Variants in WNT11 observed in about 807,000 individuals in gnomAD.
WNT11 encodes Wnt family member 11.
In WNT11, 20 loss-of-function variants were observed where a neutral mutation model predicts 35.6. The observed-to-expected ratio is 0.56, with a 90% confidence interval of 0.40 to 0.82. The LOEUF is 0.82. Ranked by LOEUF, WNT11 falls within the 40% of genes least tolerant of loss-of-function variation. The probability of loss-of-function intolerance (pLI) is 0.00; values close to 1 mark genes in which losing one functional copy is unlikely to be tolerated. For missense variants in WNT11, 459 were observed against 504.4 expected, an observed-to-expected ratio of 0.91 and a Z score of 0.86; for synonymous variants, 200 against 211.9, an observed-to-expected ratio of 0.94 and a Z score of 0.49.
At chr11:76,198,330 T>C (rs1016444497) in intron 1 of WNT11, among the ~76,000 whole-genome samples, 6 of 152,252 alleles carry the variant, frequency 3.9e-5, no homozygotes, top group Non-Finnish European at 4.4e-5. Context: ...AGTTACCACC[T>C]TGGTGGTCTT....
chr11:76,192,852 G>A (rs180850755), intron 3 of WNT11, among the ~76,000 whole-genome samples: 2 of 152,154 alleles, frequency 1.3e-5, no homozygotes, highest in South Asian at 4.1e-4. Flanking sequence ...CTCTGCCCAG[G>A]CCTACCCTCC....
chr11:76,202,146 A>G (rs1953389346), intron 1 of WNT11, among the ~76,000 whole-genome samples: 1 of 152,146 alleles, frequency 6.6e-6, no homozygotes, highest in Non-Finnish European at 1.5e-5. Flanking sequence ...CTGGGCTCAG[A>G]GGGCCTCAGA....
chr11:76,197,218 T>G (rs1953302976), intron 1 of WNT11, among the ~76,000 whole-genome samples: 2 of 152,270 alleles, frequency 1.3e-5, no homozygotes, highest in Non-Finnish European at 1.5e-5. Context: ...GTAGGAGTTT[T>G]CCATCATTGT....
intron 4 of WNT11, among the ~76,000 whole-genome samples, chr11:76,188,207 C>G (rs1380111745): frequency 6.6e-6 from 1 of 152,214 alleles, no homozygotes; most frequent in Non-Finnish European, 1.5e-5. Flanking sequence ...CCTCCAGTGT[C>G]TTATCTTAGT....
intron 1 of WNT11, among the ~76,000 whole-genome samples, chr11:76,203,668 C>T (rs1034628681): frequency 1.3e-5 from 2 of 152,226 alleles, no homozygotes; most frequent in African/African-American, 4.8e-5. Context: ...TCCCCTCTCC[C>T]CAGCCCCCAT....
chr11:76,194,849 G>T lies in WNT11; in HGVS notation c.320-5C>A. 6.7e-7 allele frequency: 1 copy of T among 1,495,676 alleles called. No individual in the cohort carries two copies. The highest frequency in any genetic ancestry group is 8.9e-7 in the Non-Finnish European group (1 of 1,128,798). 92.7% of individuals were successfully genotyped at this position (1,495,676 alleles called of 1,614,324 possible). ...CGAAGGCCGACTCCCGGGTCCCTGA[G>T]GGTGGGAGGGGAAGGTCAGCCGACG... On this transcript the variant is annotated splice_polypyrimidine_tract_variant and splice_region_variant and intron_variant, in intron 2 of 4. Transcript: ENST00000322563. The surrounding 1 kb of genome is among the most constrained non-coding windows in gnomAD (Gnocchi z 5.4).
upstream of WNT11, chr11:76,206,533 G>GC: frequency 8.2e-7 from 1 of 1,226,744 alleles, no homozygotes. Context: ...GCGGGTTAAG[G>GC]CGGCGCGCGG....
At chr11:76,189,968 G>C (rs1382666582) in intron 4 of WNT11, among the ~76,000 whole-genome samples, 1 of 152,198 alleles carries the variant, frequency 6.6e-6, no homozygotes, top group Non-Finnish European at 1.5e-5. Flanking sequence ...AGGAAGCCAG[G>C]AGGGTAAGTG....
chr11:76,210,456 C>A, upstream of WNT11: 2 of 985,346 alleles, frequency 2.0e-6, no homozygotes, highest in Non-Finnish European at 2.4e-6. Context: ...GCCCGCTGCC[C>A]GCGACCACTG....
In WNT11 at chr11:76,205,553, C is replaced by CG. The variant is rs557473464; in HGVS notation, c.83+771dup. 8.5e-4 allele frequency among the ~76,000 whole-genome samples: 130 copies of CG among 152,328 alleles called. 1 individual carries two copies. The highest frequency in any genetic ancestry group is 3.0e-3 in the African/African-American group (123 of 41,576). ...CCAGATTCCCGCTCTGGTTTCTCCT[C>CG]GGGCACTTGGACACTTGTGGAGTTA... On this transcript the variant is annotated intron_variant, in intron 1 of 4. Coordinates refer to ENST00000322563, the MANE Select transcript of WNT11 (RefSeq NM_004626.3).
chr11:76,209,469 G>A (rs1379995529), upstream of WNT11, among the ~76,000 whole-genome samples: 1 of 152,132 alleles, frequency 6.6e-6, no homozygotes, highest in African/African-American at 2.4e-5. Flanking sequence ...CCGATTGTCC[G>A]CGCGGCGCGC....
At position 76,194,853 on chromosome 11, in the gene WNT11, G is replaced by T; in HGVS notation, c.320-9C>A. On this transcript the variant is annotated splice_polypyrimidine_tract_variant and intron_variant, in intron 2 of 4. Transcript: ENST00000322563. The surrounding 1 kb of genome is among the most constrained non-coding windows in gnomAD (Gnocchi z 5.4). ...GGCCGACTCCCGGGTCCCTGAGGGTGGGAGGGGAAGGTCAGCCGACGCTGA... is the reference window on the plus strand; with the variant it reads ...GGCCGACTCCCGGGTCCCTGAGGGTTGGAGGGGAAGGTCAGCCGACGCTGA... 3 of 1,491,606 alleles carry T rather than the reference G, an allele frequency of 2.0e-6. No homozygotes were observed. The highest frequency in any genetic ancestry group is 2.4e-5 in the East Asian group (1 of 41,260). The allele number at this position is 1,491,606 out of a possible 1,614,324, so 92.4% of individuals were successfully genotyped here.
upstream of WNT11, among the ~76,000 whole-genome samples, chr11:76,208,406 G>C (rs961082826): frequency 1.1e-4 from 16 of 152,242 alleles, no homozygotes; most frequent in African/African-American, 3.4e-4. Context: ...GGTCTCAGAG[G>C]GGTTCTCGGT....
intron 1 of WNT11, among the ~76,000 whole-genome samples, chr11:76,205,151 C>A (rs1953451728): frequency 6.6e-6 from 1 of 152,194 alleles, no homozygotes; most frequent in Non-Finnish European, 1.5e-5. Flanking sequence ...GGGTTCCCTC[C>A]TCGAATCGTC....
chr11:76,187,317 A>C, intron 4 of WNT11, 78 bp from the exon 5 acceptor site: 4 of 1,390,332 alleles, frequency 2.9e-6, no homozygotes, highest in Admixed American at 2.6e-5. Context: ...CCAGCCAGGC[A>C]GCCGGCAGCG....
upstream of WNT11, among the ~76,000 whole-genome samples, chr11:76,208,118 G>A (rs1591315745): frequency 2.0e-5 from 3 of 152,346 alleles, no homozygotes; most frequent in South Asian, 4.1e-4. Flanking sequence ...GAGGAATGGG[G>A]CTTCGCCGTG....
In WNT11 at chr11:76,196,673, T is replaced by G. The variant is rs1196691096; in HGVS notation, c.129A>C (p.Gln43His). ...CCAGACCCTCCAGCTGCTTGCAGTG[T>G]TGCGTCTGGTTCAGTGCCAGGGCCG... Reference protein sequence around the residue: ...TPSALALNQTQHCKQLEGLVS... With the variant: ...TPSALALNQTHHCKQLEGLVS... Residue 43 changes from glutamine (Q) to histidine (H), a missense_variant, in exon 2 of 5, where the codon CAA becomes CAC. Gln to His is a conservative substitution (Grantham distance 24). Transcript: ENST00000322563. The G allele has an allele frequency of 3.1e-6, 5 of 1,613,238 alleles. No individual in the cohort carries two copies. Among genetic ancestry groups the G allele is most frequent in the Non-Finnish European group, 4.2e-6 (5 of 1,179,908 alleles).
chr11:76,209,576 T>C (rs962068595), upstream of WNT11, among the ~76,000 whole-genome samples: 1 of 152,064 alleles, frequency 6.6e-6, no homozygotes, highest in South Asian at 2.1e-4. Flanking sequence ...CAAGGTTACC[T>C]GCGGGGCGGG....
chr11:76,194,419 G>A lies in WNT11; in HGVS notation c.597+148C>T, dbSNP rs562690033. The stretch of plus-strand genomic sequence containing the variant: ...CCAAGCAGCTGGCGAGGGAAGGGCT[G>A]AGGATGAGGATGGTGCGAGGCACAT... On this transcript the variant is annotated intron_variant, in intron 3 of 4. Coordinates refer to ENST00000322563, the MANE Select transcript of WNT11 (RefSeq NM_004626.3). The surrounding 1 kb of genome is among the most constrained non-coding windows in gnomAD (Gnocchi z 5.4). 24 of 962,728 alleles carry A rather than the reference G, an allele frequency of 2.5e-5. No homozygotes were observed. The East Asian group carries it at 5.3e-4, about 21-fold the overall frequency. 59.6% of individuals were successfully genotyped at this position (962,728 alleles called of 1,614,324 possible).
Sources: gnomAD v4.1 joint callset for allele counts (sites outside exome capture counted in the v4.1 genomes callset) on GRCh38, gnomAD v4.1.1 for gene constraint, Gnocchi (gnomAD v3.1) non-coding constraint, MANE v1.5 for transcripts, NCBI Gene and HGNC (gene_info 2026-07-23, HGNC 2026-07-21) for gene names.